SDC4: variants seen among roughly 807,000 people sequenced by gnomAD.
SDC4 encodes the protein syndecan 4.
Under a neutral mutation model 20.5 loss-of-function variants are expected in SDC4, and 17 were observed. That is an observed-to-expected ratio of 0.83 (90% CI 0.57 to 1.25). The LOEUF (loss-of-function observed/expected upper bound fraction) is 1.25, where lower values mean the gene tolerates loss of function less well. Among genes scored for constraint, SDC4 ranks in the 50% most tolerant of loss-of-function variants. The probability of loss-of-function intolerance (pLI) is 0.00; values close to 1 mark genes in which losing one functional copy is unlikely to be tolerated. For missense variants in SDC4, 241 were observed against 252.3 expected, an observed-to-expected ratio of 0.96 and a Z score of 0.30; for synonymous variants, 107 against 105.3, an observed-to-expected ratio of 1.02 and a Z score of -0.10.
At chr20:45,338,810 T>C (rs1434864215) in intron 1 of SDC4, among the ~76,000 whole-genome samples, 1 of 152,178 alleles carries the variant, frequency 6.6e-6, no homozygotes, top group African/African-American at 2.4e-5. Flanking sequence ...ACTAGTCTAG[T>C]CTGAAGTCAC....
In SDC4 at chr20:45,325,634, C is replaced by G. The variant is rs1065649; in HGVS notation, c.*1630G>C. The G allele has an allele frequency of 4.8e-5, 7 of 144,998 alleles. No individual in the cohort carries two copies. The South Asian group carries it at 6.5e-4, about 14-fold the overall frequency. 9.0% of individuals were successfully genotyped at this position (144,998 alleles called of 1,614,324 possible). ...CATCAGCCCTCCCCCATTCCCCCCCCCCTACCCAGGGAGACAAGGGTCGTC... is the reference window on the plus strand; with the variant it reads ...CATCAGCCCTCCCCCATTCCCCCCCGCCTACCCAGGGAGACAAGGGTCGTC... On this transcript the variant is annotated 3_prime_UTR_variant, in exon 5 of 5. Coordinates refer to ENST00000372733, the MANE Select transcript of SDC4 (RefSeq NM_002999.4).
At chr20:45,341,323 G>T (rs1032306876) in intron 1 of SDC4, among the ~76,000 whole-genome samples, 1 of 152,134 alleles carries the variant, frequency 6.6e-6, no homozygotes, top group Admixed American at 6.5e-5. Flanking sequence ...TCTATAATAG[G>T]TTATCATTTT....
chr20:45,327,585 T>C (rs1987712533), intron 4 of SDC4, among the ~76,000 whole-genome samples, 170 bp from the exon 5 acceptor site: 1 of 152,244 alleles, frequency 6.6e-6, no homozygotes, highest in East Asian at 1.9e-4. Flanking sequence ...ATGACCCCAG[T>C]TATAAGAAGT....
chr20:45,334,471 C>T (rs560513012), intron 2 of SDC4, among the ~76,000 whole-genome samples: 1 of 152,120 alleles, frequency 6.6e-6, no homozygotes, highest in South Asian at 2.1e-4. Context: ...GTTGTATGCA[C>T]ATAATGAAAT....
chr20:45,327,449 G>C (rs1048733182), intron 4 of SDC4, 34 bp from the exon 5 acceptor site: 1 of 1,603,206 alleles, frequency 6.2e-7, no homozygotes, highest in Non-Finnish European at 8.5e-7. Flanking sequence ...GCGGGGGTGA[G>C]AGCTCCTCAT....
intron 1 of SDC4, among the ~76,000 whole-genome samples, chr20:45,342,595 GA>G (rs982712269): frequency 1.3e-5 from 2 of 152,158 alleles, no homozygotes; most frequent in Admixed American, 6.5e-5. Context: ...AGGACAGGGG[GA>G]GGGGTGAGAT....
rs192359402 is a variant in SDC4 at position 45,347,314 on chromosome 20, G to T, written c.60+1011C>A. Among the ~76,000 whole-genome samples, 33 of 152,268 alleles carry T rather than the reference G, an allele frequency of 2.2e-4. 1 individual carries two copies. The highest frequency in any genetic ancestry group is 2.9e-5 in the Non-Finnish European group (2 of 68,016). ...TCGCTCTGAAAACTGGGGCTAAAGG[G>T]CACAAAGGGGGCACAAAGCTCAGGC... On this transcript the variant is annotated intron_variant, in intron 1 of 4. Coordinates refer to ENST00000372733, the MANE Select transcript of SDC4 (RefSeq NM_002999.4).
At chr20:45,334,100 T>C (rs1416087729) in intron 2 of SDC4, among the ~76,000 whole-genome samples, 1 of 152,030 alleles carries the variant, frequency 6.6e-6, no homozygotes, top group African/African-American at 2.4e-5. Context: ...GTTCAAGCGA[T>C]TCTCCTGCCT....
Position 45,330,574 on chromosome 20 carries a change from C to T in SDC4, c.247-10G>A, listed in dbSNP as rs771934538. The T allele has an allele frequency of 6.8e-6, 11 of 1,613,064 alleles. No individual in the cohort carries two copies. Among genetic ancestry groups the T allele is most frequent in the Middle Eastern group, 1.7e-4 (1 of 5,986 alleles). ...GGTTATCTAGAGGCACCTGGATGGGCGGAAAGGAGAAGAGACACTCAGCGT... is the reference window on the plus strand; with the variant it reads ...GGTTATCTAGAGGCACCTGGATGGGTGGAAAGGAGAAGAGACACTCAGCGT... On this transcript the variant is annotated splice_polypyrimidine_tract_variant and intron_variant, in intron 3 of 4. Coordinates refer to ENST00000372733, the MANE Select transcript of SDC4 (RefSeq NM_002999.4).
Position 45,331,424 on chromosome 20 carries a change from A to C in SDC4, c.247-860T>G, listed in dbSNP as rs981707578. Among the ~76,000 whole-genome samples the C allele has an allele frequency of 1.1e-4, 16 of 152,106 alleles. 1 individual carries two copies. Among genetic ancestry groups the C allele is most frequent in the South Asian group, 4.2e-4 (2 of 4,814 alleles). ...GTTTTCTTACAAAAGGGAGGGGGAA[A>C]ATGTCAGGTGTTTGAACCAGAGTGC... On this transcript the variant is annotated intron_variant, in intron 3 of 4. Coordinates refer to ENST00000372733, the MANE Select transcript of SDC4 (RefSeq NM_002999.4).
intron 1 of SDC4, 93 bp downstream of exon 1, chr20:45,348,232 T>C (rs2145720122): frequency 1.1e-6 from 1 of 922,718 alleles, no homozygotes; most frequent in Admixed American, 2.7e-5. Flanking sequence ...GTACCCCCGA[T>C]CTGCCCCCCC....
chr20:45,327,483 T>A (rs1987711065), intron 4 of SDC4, 68 bp from the exon 5 acceptor site: 1 of 1,504,848 alleles, frequency 6.6e-7, no homozygotes, highest in Admixed American at 1.9e-5. Context: ...TGAACCCCTC[T>A]TTCCCCCACT....
intron 4 of SDC4, among the ~76,000 whole-genome samples, chr20:45,328,286 T>A (rs1987725472): frequency 3.9e-5 from 6 of 152,176 alleles, no homozygotes; most frequent in Admixed American, 3.3e-4. Flanking sequence ...TTCCTGGCTG[T>A]GTGATTTGGG....
chr20:45,342,633 A>G (rs1248762073), intron 1 of SDC4, among the ~76,000 whole-genome samples: 1 of 151,860 alleles, frequency 6.6e-6, no homozygotes, highest in Non-Finnish European at 1.5e-5. Flanking sequence ...GGGGCCGCTG[A>G]ATAGGAAGGT....
In SDC4 at chr20:45,327,369, C is replaced by G. The variant is rs1423675551; in HGVS notation, c.492G>C (p.Leu164=). 6.2e-7 allele frequency: 1 copy of G among 1,614,128 alleles called. No individual in the cohort carries two copies. Among genetic ancestry groups the G allele is most frequent in the East Asian group, 2.2e-5 (1 of 44,874 alleles). The change falls in exon 5 of 5, where the codon CTG becomes CTC. Residue 164 remains leucine, a synonymous_variant. Coordinates refer to ENST00000372733, the MANE Select transcript of SDC4 (RefSeq NM_002999.4). ...TCATACGGTACATGAGCAGTAGGAT[C>G]AGGAAGACGGCAAAGAGGATGCCCA... ...GIVGILFAVF[L]ILLLMYRMKK...
intron 1 of SDC4, among the ~76,000 whole-genome samples, chr20:45,336,782 A>G (rs538384027): frequency 1.3e-5 from 2 of 151,976 alleles, no homozygotes; most frequent in Non-Finnish European, 2.9e-5. Flanking sequence ...CTGGGCCGGG[A>G]CAGACAGGGC....
At position 45,325,414 on chromosome 20, in the gene SDC4, A is replaced by C. The variant is rs1466172221; in HGVS notation, c.*1850T>G. On this transcript the variant is annotated 3_prime_UTR_variant, in exon 5 of 5. Coordinates refer to ENST00000372733, the MANE Select transcript of SDC4 (RefSeq NM_002999.4). ...CCAAGGGGAAGGGCACTGGGGGCAG[A>C]AGAGGACCCAGCCAGCTGGGACCCT... 1 of 152,826 alleles carries C rather than the reference A, an allele frequency of 6.5e-6. No individual in the cohort carries two copies. The highest frequency in any genetic ancestry group is 1.5e-5 in the Non-Finnish European group (1 of 68,166). The allele number at this position is 152,826 out of a possible 1,614,324, so 9.5% of individuals were successfully genotyped here.
intron 1 of SDC4, 90 bp downstream of exon 1, chr20:45,348,235 G>GGCC: frequency 4.5e-6 from 4 of 889,332 alleles, no homozygotes; most frequent in Admixed American, 2.1e-5. Context: ...CCCCCGATCT[G>GGCC]CCCCCCCCCA....
chr20:45,339,187 G>A (rs1987918917), intron 1 of SDC4, among the ~76,000 whole-genome samples: 1 of 152,216 alleles, frequency 6.6e-6, no homozygotes, highest in South Asian at 2.1e-4. Flanking sequence ...AGGCACCAAC[G>A]GTCCTCCTCT....
Sources: gnomAD v4.1 joint callset for allele counts (sites outside exome capture counted in the v4.1 genomes callset) on GRCh38, gnomAD v4.1.1 for gene constraint, MANE v1.5 for transcripts, NCBI Gene and HGNC (gene_info 2026-07-23, HGNC 2026-07-21) for gene names.